The following CEMIP variants were observed in gnomAD, a reference collection of about 807,000 sequenced individuals.
CEMIP encodes the protein cell migration inducing hyaluronidase 1.
A neutral mutation model predicts 156.9 loss-of-function variants in CEMIP; 105 were observed. The ratio of observed to expected loss-of-function variants is 0.67; its 90% confidence interval spans 0.57 to 0.79. The LOEUF is 0.79. CEMIP is among the 30% of genes least tolerant of loss of function. The pLI, the probability that CEMIP is intolerant of heterozygous loss-of-function variation, is 0.00. For synonymous variants in CEMIP, 676 were observed against 668.4 expected, an observed-to-expected ratio of 1.01 and a Z score of -0.17; for missense variants, 1,457 against 1,769.4, an observed-to-expected ratio of 0.82 and a Z score of 3.17.
intron 28 of CEMIP, 36 bp downstream of exon 28, chr15:80,943,138 G>A (rs759673519): frequency 3.1e-6 from 5 of 1,612,654 alleles, no homozygotes; most frequent in East Asian, 2.2e-5. Flanking sequence ...ATTGGCTGCT[G>A]GCACAGCAGA....
intron 1 of CEMIP, among the ~76,000 whole-genome samples, chr15:80,786,965 T>G (rs1160148522): frequency 6.6e-6 from 1 of 152,248 alleles, no homozygotes; most frequent in Non-Finnish European, 1.5e-5. Flanking sequence ...CAAATTTGAT[T>G]GATCGCAAGA....
chr15:80,794,419 A>G (rs755585042), intron 1 of CEMIP, among the ~76,000 whole-genome samples: 1 of 152,208 alleles, frequency 6.6e-6, no homozygotes, highest in Non-Finnish European at 1.5e-5. Flanking sequence ...ATGAGCTGAG[A>G]CCTGCCTGCA....
intron 7 of CEMIP, 45 bp downstream of exon 7, chr15:80,884,399 A>G: frequency 6.3e-7 from 1 of 1,591,240 alleles, no homozygotes. Context: ...GGAACATTGA[A>G]GCCACTCTAT....
Position 80,805,082 on chromosome 15 carries a change from C to T in CEMIP, c.-176+25468C>T, listed in dbSNP as rs1401220350. Among the ~76,000 whole-genome samples the T allele has an allele frequency of 3.3e-5, 5 of 152,100 alleles. No homozygotes were observed. The East Asian group carries it at 7.7e-4, about 23-fold the overall frequency. ...CCCAATTCCTGTATCAACACCTATC[C>T]TCCCACCAGGTCTCACAACCACATG... On this transcript the variant is annotated intron_variant, in intron 1 of 29. Coordinates refer to ENST00000394685, the MANE Select transcript of CEMIP (RefSeq NM_001293298.2).
intron 23 of CEMIP, among the ~76,000 whole-genome samples, chr15:80,934,566 T>C (rs1177720897): frequency 2.0e-5 from 3 of 152,208 alleles, no homozygotes; most frequent in African/African-American, 7.2e-5. Context: ...GAAACATGTA[T>C]GAATAGCTGT....
intron 1 of CEMIP, among the ~76,000 whole-genome samples, chr15:80,845,728 G>T (rs1178308131): frequency 6.6e-6 from 1 of 152,172 alleles, no homozygotes; most frequent in Non-Finnish European, 1.5e-5. Flanking sequence ...CTTTGGCTGT[G>T]ACCTGGGATG....
At chr15:80,941,827 C>T (rs374701915) in intron 25 of CEMIP, 22 bp from the exon 26 acceptor site, 14 of 1,609,342 alleles carry the variant, frequency 8.7e-6, no homozygotes, top group Middle Eastern at 1.6e-4. Flanking sequence ...AGCAAATGCC[C>T]AGCAATGCTC....
intron 1 of CEMIP, among the ~76,000 whole-genome samples, chr15:80,837,921 C>T (rs1007467708): frequency 2.0e-5 from 3 of 152,216 alleles, no homozygotes; most frequent in African/African-American, 7.2e-5. Flanking sequence ...GTGCCCTCCA[C>T]TGGCCACACC....
intron 1 of CEMIP, among the ~76,000 whole-genome samples, chr15:80,806,366 A>C (rs138910068): frequency 6.6e-6 from 1 of 152,196 alleles, no homozygotes; most frequent in Non-Finnish European, 1.5e-5. Flanking sequence ...AGAGCCCTTG[A>C]GACTATGTCC....
intron 24 of CEMIP, 146 bp downstream of exon 24, chr15:80,937,031 G>GTCCTTTAA: frequency 9.9e-6 from 8 of 809,908 alleles, no homozygotes; most frequent in Non-Finnish European, 1.6e-5. Flanking sequence ...TCACCCAGGA[G>GTCCTTTAA]TTAAGAATTA....
chr15:80,876,386 C>T (rs533728236), intron 3 of CEMIP, among the ~76,000 whole-genome samples: 23 of 152,318 alleles, frequency 1.5e-4, no homozygotes, highest in African/African-American at 4.6e-4. Flanking sequence ...TCTGCTCTTA[C>T]GTTAAAATGG....
At chr15:80,888,946 C>T (rs1041160894) in intron 9 of CEMIP, 150 bp downstream of exon 9, 90 of 743,054 alleles carry the variant, frequency 1.2e-4, no homozygotes, top group Non-Finnish European at 1.5e-4. Context: ...CAAAAGTTGT[C>T]TTTAATTAGA....
intron 1 of CEMIP, among the ~76,000 whole-genome samples, chr15:80,818,549 C>T (rs766082514): frequency 1.2e-4 from 18 of 152,188 alleles, no homozygotes; most frequent in South Asian, 2.1e-4. Flanking sequence ...TGTATCACAA[C>T]GGAAGTCCTG....
chr15:80,878,971 C>T, intron 4 of CEMIP, 104 bp downstream of exon 4: 5 of 1,424,076 alleles, frequency 3.5e-6, no homozygotes, highest in Non-Finnish European at 4.9e-6. Flanking sequence ...ATAAACATCA[C>T]ATGCTTTGGG....
At chr15:80,944,839 A>G (rs993912553) in intron 28 of CEMIP, among the ~76,000 whole-genome samples, 1 of 152,006 alleles carries the variant, frequency 6.6e-6, no homozygotes, top group African/African-American at 2.4e-5. Context: ...CTGCAGTGCT[A>G]CTCTGTTTGG....
chr15:80,801,401 C>T (rs775620421), intron 1 of CEMIP, among the ~76,000 whole-genome samples: 1 of 152,196 alleles, frequency 6.6e-6, no homozygotes, highest in African/African-American at 2.4e-5. Flanking sequence ...CTGGACCATG[C>T]GTCTCTCATC....
chr15:80,915,586 A>C (rs569630010), intron 14 of CEMIP, among the ~76,000 whole-genome samples: 1 of 152,056 alleles, frequency 6.6e-6, no homozygotes, highest in Non-Finnish European at 1.5e-5. Context: ...GAGGGGGTAC[A>C]TTACAGATCA....
intron 12 of CEMIP, among the ~76,000 whole-genome samples, chr15:80,902,944 G>A (rs1899633724): frequency 6.6e-6 from 1 of 152,106 alleles, no homozygotes; most frequent in South Asian, 2.1e-4. Flanking sequence ...AACTTTTGAG[G>A]TATGTGCTAT....
intron 4 of CEMIP, among the ~76,000 whole-genome samples, 157 bp from the exon 5 acceptor site, chr15:80,879,559 T>A (rs1281329623): frequency 6.6e-6 from 1 of 152,178 alleles, no homozygotes; most frequent in Non-Finnish European, 1.5e-5. Flanking sequence ...GGGATGACTT[T>A]ACTTGTAAGT....
Sources: gnomAD v4.1 joint callset for allele counts (sites outside exome capture counted in the v4.1 genomes callset) on GRCh38, gnomAD v4.1.1 for gene constraint, MANE v1.5 for transcripts, NCBI Gene and HGNC (gene_info 2026-07-23, HGNC 2026-07-21) for gene names.